ENPP2: variants seen among roughly 807,000 people sequenced by gnomAD.
The protein encoded by ENPP2 is autotaxin.
In ENPP2, 51 loss-of-function variants were observed where a neutral mutation model predicts 120.2. The ratio of observed to expected loss-of-function variants is 0.42; its 90% confidence interval spans 0.34 to 0.54. The LOEUF is 0.54. Ranked by LOEUF, ENPP2 falls within the 20% of genes least tolerant of loss-of-function variation. The probability of loss-of-function intolerance (pLI) is 0.04; values close to 1 mark genes in which losing one functional copy is unlikely to be tolerated. For missense variants in ENPP2, 920 were observed against 1,066.5 expected (o/e 0.86, Z 1.91); for synonymous variants, 365 against 366.4 (o/e 1.00, Z 0.04).
At chr8:119,668,679 G>T in intron 1 of ENPP2, among the ~76,000 whole-genome samples, 1 of 151,872 alleles carries the variant, frequency 6.6e-6, no homozygotes, top group Middle Eastern at 3.4e-3. Flanking sequence ...CACCCGCCTC[G>T]GCCTCCCAAA....
intron 9 of ENPP2, among the ~76,000 whole-genome samples, chr8:119,603,328 G>A (rs1469175368): frequency 6.6e-6 from 1 of 151,920 alleles, no homozygotes; most frequent in East Asian, 1.9e-4. Flanking sequence ...CCACAGAAAC[G>A]GGCCCTAATG....
At chr8:119,632,235 C>A (rs1816731877) in intron 2 of ENPP2, among the ~76,000 whole-genome samples, 1 of 152,174 alleles carries the variant, frequency 6.6e-6, no homozygotes, top group Non-Finnish European at 1.5e-5. Flanking sequence ...GAAACATCAA[C>A]AAACTTGTGG....
intron 1 of ENPP2, among the ~76,000 whole-genome samples, chr8:119,662,052 A>G (rs961207195): frequency 2.6e-5 from 4 of 152,176 alleles, no homozygotes; most frequent in Admixed American, 2.6e-4. Flanking sequence ...CAAAGGGTAC[A>G]AAGTTTTAGT....
chr8:119,612,822 TGA>T, intron 8 of ENPP2, among the ~76,000 whole-genome samples: 1 of 152,254 alleles, frequency 6.6e-6, no homozygotes, highest in South Asian at 2.1e-4. Flanking sequence ...CCCGAGAGGC[TGA>T]GACTGCAGTG....
chr8:119,600,812 T>A, intron 10 of ENPP2, 62 bp from the exon 11 acceptor site: 1 of 942,874 alleles, frequency 1.1e-6, no homozygotes. Flanking sequence ...AAATATCACA[T>A]ATTTTTAAAA....
At chr8:119,610,505 A>AGAGG (rs1271863385) in intron 8 of ENPP2, among the ~76,000 whole-genome samples, 2 of 151,902 alleles carry the variant, frequency 1.3e-5, no homozygotes, top group African/African-American at 4.8e-5. Context: ...AGAGAGAGAG[A>AGAGG]GAGAGAGAGA....
At chr8:119,579,151 C>T (rs74740196) in intron 19 of ENPP2, among the ~76,000 whole-genome samples, 5,609 of 152,262 alleles carry the variant, frequency 0.037, 283 homozygotes, top group African/African-American at 0.11. Context: ...TTCCCCTCCC[C>T]TTCTATTTTC....
chr8:119,668,094 C>T (rs1818127734), intron 1 of ENPP2, among the ~76,000 whole-genome samples: 1 of 152,168 alleles, frequency 6.6e-6, no homozygotes, highest in African/African-American at 2.4e-5. Flanking sequence ...AATATCCCTT[C>T]TCAGGTGGTT....
At chr8:119,651,128 G>A (rs1385673520) in intron 1 of ENPP2, among the ~76,000 whole-genome samples, 1 of 152,112 alleles carries the variant, frequency 6.6e-6, no homozygotes, top group Non-Finnish European at 1.5e-5. Flanking sequence ...AGCTCATATG[G>A]CAGATGGGCA....
At chr8:119,599,143 G>A (rs150786092) in intron 11 of ENPP2, among the ~76,000 whole-genome samples, 31 of 152,264 alleles carry the variant, frequency 2.0e-4, no homozygotes, top group African/African-American at 7.5e-4. Context: ...GTATGCAGAT[G>A]TTTATCTCAT....
intron 2 of ENPP2, among the ~76,000 whole-genome samples, chr8:119,631,137 G>A (rs1436533275): frequency 3.4e-5 from 5 of 148,046 alleles, no homozygotes; most frequent in South Asian, 2.1e-4. Flanking sequence ...CTCGTGATCC[G>A]CCTGCCTTGG....
At chr8:119,612,387 C>T (rs1274005375) in intron 8 of ENPP2, among the ~76,000 whole-genome samples, 1 of 152,206 alleles carries the variant, frequency 6.6e-6, no homozygotes, top group Admixed American at 6.5e-5. Flanking sequence ...TTAGCAATGA[C>T]TTGTACTTTC....
At chr8:119,663,719 A>G (rs1817991049) in intron 1 of ENPP2, among the ~76,000 whole-genome samples, 1 of 152,202 alleles carries the variant, frequency 6.6e-6, no homozygotes, top group Admixed American at 6.5e-5. Flanking sequence ...AAACACTCTG[A>G]GACAACCAAG....
At chr8:119,636,707 C>A (rs1817019059) in intron 2 of ENPP2, among the ~76,000 whole-genome samples, 1 of 151,794 alleles carries the variant, frequency 6.6e-6, no homozygotes, top group South Asian at 2.1e-4. Flanking sequence ...ACTAATAAAT[C>A]CAATCTATAC....
chr8:119,657,388 T>A (rs563621051), intron 1 of ENPP2, among the ~76,000 whole-genome samples: 1 of 152,338 alleles, frequency 6.6e-6, no homozygotes, highest in African/African-American at 2.4e-5. Context: ...GTTTGTTCTA[T>A]TGGAAATTCT....
intron 12 of ENPP2, among the ~76,000 whole-genome samples, chr8:119,590,996 A>T (rs1485232492): frequency 3.7e-5 from 1 of 26,816 alleles, no homozygotes; most frequent in Non-Finnish European, 5.6e-5. Context: ...TCTATTCTTT[A>T]AAAAAAAAAA....
At chr8:119,582,374 C>T (rs755862746) in intron 18 of ENPP2, 44 bp downstream of exon 18, 8 of 1,491,206 alleles carry the variant, frequency 5.4e-6, no homozygotes, top group South Asian at 3.5e-5. Context: ...CACTGTTAGC[C>T]ACCCAACAAA....
chr8:119,633,030 G>A (rs1021779934), intron 2 of ENPP2, among the ~76,000 whole-genome samples: 1 of 152,302 alleles, frequency 6.6e-6, no homozygotes, highest in African/African-American at 2.4e-5. Context: ...ACTCCAGCCT[G>A]GGCAACAAGA....
At position 119,673,115 on chromosome 8, in the gene ENPP2, C is replaced by A. The variant is rs143956581; in HGVS notation, c.21+137G>T. ...CTGCAAATTGCTCCAGCTGAGTGCA[C>A]GGGAACACAGCCCAACAGGGACTGC... On this transcript the variant is annotated intron_variant, in intron 1 of 25. Coordinates refer to the ENPP2 transcript ENST00000427067. 861 of 718,290 alleles carry A rather than the reference C, an allele frequency of 1.2e-3. 9 individuals are homozygous for A. In the African/African-American group the frequency reaches 0.013, roughly 11 times the overall value. 44.5% of individuals were successfully genotyped at this position (718,290 alleles called of 1,614,324 possible). A position where few individuals can be genotyped will look rare whatever the true frequency, so the allele number is the denominator to read the frequency against.
Sources: allele counts gnomAD v4.1 joint callset (sites outside exome capture counted in the v4.1 genomes callset), GRCh38; gene constraint gnomAD v4.1.1; transcripts MANE v1.5; gene names NCBI Gene and HGNC (gene_info 2026-07-23, HGNC 2026-07-21).